The following PANK2 variants were observed in gnomAD, a reference collection of about 807,000 sequenced individuals.
The protein encoded by PANK2 is pantothenate kinase 2.
PANK2 carries 36 observed loss-of-function variants against 43.1 expected under a neutral mutation model. That is an observed-to-expected ratio of 0.84 (90% CI 0.64 to 1.10). PANK2 has a LOEUF of 1.10. Ranked by LOEUF, PANK2 falls within the 50% of genes least tolerant of loss-of-function variation. The probability of loss-of-function intolerance (pLI) is 0.00; values close to 1 mark genes in which losing one functional copy is unlikely to be tolerated. For missense variants in PANK2, 576 were observed against 593.3 expected (o/e 0.97, Z 0.30); for synonymous variants, 281 against 238.2 (o/e 1.18, Z -1.66).
chr20:3,889,273 C>T, upstream of PANK2: 1 of 1,611,352 alleles, frequency 6.2e-7, no homozygotes, highest in Non-Finnish European at 8.5e-7. Flanking sequence ...GTCAATCCTC[C>T]TCGAGTTAGG....
chr20:3,888,965 A>T, upstream of PANK2: 7 of 624,904 alleles, frequency 1.1e-5, no homozygotes, highest in Admixed American at 6.5e-5. Context: ...CTGCGGGAGC[A>T]CTGCTGGGCT....
chr20:3,889,383 C>A (rs558404718), upstream of PANK2: 51 of 1,575,586 alleles, frequency 3.2e-5, no homozygotes, highest in Non-Finnish European at 4.2e-5. Context: ...GAGGGCGCGC[C>A]TCTGCTCTGG....
intron 1 of PANK2, among the ~76,000 whole-genome samples, chr20:3,892,554 G>A (rs1228745957): frequency 1.3e-5 from 2 of 151,230 alleles, no homozygotes; most frequent in South Asian, 2.1e-4. Context: ...ACGCGTGCCC[G>A]TAGTCGCAGC....
intron 6 of PANK2, 140 bp downstream of exon 6, chr20:3,918,936 C>T (rs540310559): frequency 1.4e-4 from 197 of 1,425,930 alleles, no homozygotes; most frequent in Admixed American, 3.5e-4. Context: ...GACGGAGTCT[C>T]GCTCTGTCAC....
chr20:3,920,623 G>T (rs1002847691), intron 6 of PANK2, among the ~76,000 whole-genome samples: 2 of 152,096 alleles, frequency 1.3e-5, no homozygotes, highest in Non-Finnish European at 2.9e-5. Context: ...GAGGTGGGCG[G>T]ATCATGAGGT....
intron 3 of PANK2, 23 bp from the exon 4 acceptor site, chr20:3,912,433 CTG>C: frequency 6.2e-7 from 1 of 1,609,176 alleles, no homozygotes; most frequent in Non-Finnish European, 8.5e-7. Context: ...TGTTATAATA[CTG>C]TGTTAATTGT....
chr20:3,889,856 G>A (rs2090088628), intron 1 of PANK2, 128 bp downstream of exon 1: 4 of 1,533,806 alleles, frequency 2.6e-6, no homozygotes, highest in Admixed American at 2.0e-5. Context: ...TCCCTCGTTG[G>A]TGCGTGGCCT....
Position 3,923,523 on chromosome 20 carries a change from G to T in PANK2, c.*229G>T. On this transcript the variant is annotated 3_prime_UTR_variant, in exon 7 of 7. Transcript: ENST00000610179. Reference sequence around the variant, plus strand: ...CAAAAAAGTGGCACATGTCCAGGCAGTGTGAGGATTTGCTGTATATAAGTT... The same window carrying T: ...CAAAAAAGTGGCACATGTCCAGGCATTGTGAGGATTTGCTGTATATAAGTT... The T allele has an allele frequency of 1.7e-6, 1 of 583,682 alleles. No individual in the cohort carries two copies. The allele number at this position is 583,682 out of a possible 1,614,324, so 36.2% of individuals were successfully genotyped here. A position where few individuals can be genotyped will look rare whatever the true frequency, so the allele number is the denominator to read the frequency against.
Position 3,928,912 on chromosome 20 carries a change from G to GA in PANK2, c.*5619dup, listed in dbSNP as rs1377353476. The GA allele has an allele frequency of 6.6e-6, 1 of 151,738 alleles. No individual in the cohort carries two copies. Among genetic ancestry groups the GA allele is most frequent in the Non-Finnish European group, 1.5e-5 (1 of 67,914 alleles). The allele number at this position is 151,738 out of a possible 1,614,324, so 9.4% of individuals were successfully genotyped here. ...GTTGCCCAGGCTGGAGTGCAGTGGG[G>GA]ATCTTGGCTCACTGCAACTTCTGTC... On this transcript the variant is annotated 3_prime_UTR_variant, in exon 7 of 7. Coordinates refer to ENST00000610179, the MANE Select transcript of PANK2 (RefSeq NM_001386393.1).
At position 3,927,132 on chromosome 20, in the gene PANK2, A is replaced by AC. The variant is rs1280397888; in HGVS notation, c.*3842dup. Reference sequence around the variant, plus strand: ...TGGCCTGACACACTCTTCACCACTGACCCCACCCCCGCTTGCACACTATGC... The same window carrying AC: ...TGGCCTGACACACTCTTCACCACTGACCCCCACCCCCGCTTGCACACTATGC... On this transcript the variant is annotated 3_prime_UTR_variant, in exon 7 of 7. Transcript: ENST00000610179. Among the ~76,000 whole-genome samples, 2 of 151,428 alleles carry AC rather than the reference A, an allele frequency of 1.3e-5. No homozygotes were observed. Among genetic ancestry groups the AC allele is most frequent in the African/African-American group, 4.9e-5 (2 of 41,140 alleles).
At chr20:3,921,262 C>T (rs991111091) in intron 6 of PANK2, 1 of 151,294 alleles carries the variant, frequency 6.6e-6, no homozygotes, top group African/African-American at 2.4e-5. Context: ...CAAGTGTTCT[C>T]ATTGTTCAGT....
At chr20:3,902,179 T>TA (rs1339736897) in intron 1 of PANK2, among the ~76,000 whole-genome samples, 3 of 150,738 alleles carry the variant, frequency 2.0e-5, no homozygotes, top group Non-Finnish European at 4.4e-5. Context: ...TTTTTTTTTT[T>TA]AGTTAGAGAC....
chr20:3,889,158 T>C (rs573337848), upstream of PANK2: 15 of 1,595,646 alleles, frequency 9.4e-6, no homozygotes, highest in Non-Finnish European at 9.4e-6. Flanking sequence ...GCCATCACTC[T>C]CTTCTGGGCT....
Position 3,918,769 on chromosome 20 carries a change from G to C in PANK2, c.1305G>C (p.Gln435His), listed in dbSNP as rs1446046591. 1 of 1,614,146 alleles carries C rather than the reference G, an allele frequency of 6.2e-7. No individual in the cohort carries two copies. Among genetic ancestry groups the C allele is most frequent in the African/African-American group, 1.3e-5 (1 of 74,952 alleles). ...CTTTGGATTATTGGTCCAAGGGGCAGTTGAAAGCACTTTTTTCGGAACACG... is the reference window on the plus strand; with the variant it reads ...CTTTGGATTATTGGTCCAAGGGGCACTTGAAAGCACTTTTTTCGGAACACG... The change falls in exon 6 of 7, where the codon CAG becomes CAC. Residue 435 changes from glutamine (Q) to histidine (H), a missense_variant. Physicochemically the swap from Gln to His is conservative, Grantham distance 24. This residue lies in a region of PANK2 where 32 missense variants were observed against 64.3 expected (regional missense o/e 0.50). Coordinates refer to ENST00000610179, the MANE Select transcript of PANK2 (RefSeq NM_001386393.1).
At chr20:3,914,078 T>TTTTA (rs2090520759) in intron 4 of PANK2, among the ~76,000 whole-genome samples, 1 of 151,698 alleles carries the variant, frequency 6.6e-6, no homozygotes, top group Non-Finnish European at 1.5e-5. Flanking sequence ...CGTGAGCCAC[T>TTTTA]GCGCCTGGCC....
chr20:3,923,288 C>T lies in PANK2; in HGVS notation c.1377C>T (p.Ile459=). The T allele has an allele frequency of 1.2e-6, 2 of 1,614,114 alleles. No individual in the cohort carries two copies. Among genetic ancestry groups the T allele is most frequent in the Non-Finnish European group, 1.7e-6 (2 of 1,180,012 alleles). The change falls in exon 7 of 7, where the codon ATC becomes ATT. Residue 459 remains isoleucine, a synonymous_variant. Coordinates refer to ENST00000610179, the MANE Select transcript of PANK2 (RefSeq NM_001386393.1). The stretch of plus-strand genomic sequence containing the variant: ...GAGCACTCCTTGAGCTGTTGAAGAT[C>T]CCGTGATCATTACCTGGGGAGGGGT...
At chr20:3,917,330 T>A (rs2090577762) in intron 5 of PANK2, among the ~76,000 whole-genome samples, 1 of 151,920 alleles carries the variant, frequency 6.6e-6, no homozygotes. Context: ...TTGGGGACTG[T>A]TGGGGGTGAT....
chr20:3,897,509 C>A (rs146754622), intron 1 of PANK2, among the ~76,000 whole-genome samples: 1 of 151,184 alleles, frequency 6.6e-6, no homozygotes, highest in Non-Finnish European at 1.5e-5. Flanking sequence ...GAGACCAGTC[C>A]GGGCAACATG....
In PANK2 at chr20:3,911,132, G is replaced by A. The variant is rs181415060; in HGVS notation, c.905+302G>A. 1.4e-3 allele frequency among the ~76,000 whole-genome samples: 207 copies of A among 152,354 alleles called. 1 individual carries two copies. The highest frequency in any genetic ancestry group is 4.8e-3 in the African/African-American group (201 of 41,582). On this transcript the variant is annotated intron_variant, in intron 3 of 6. Transcript: ENST00000610179. Reference sequence around the variant, plus strand: ...TAGCTAAAGTTATTAGGCAGCATCTGTAAGGAGAAGGCACGGGAAAGGACC... The same window carrying A: ...TAGCTAAAGTTATTAGGCAGCATCTATAAGGAGAAGGCACGGGAAAGGACC...
Sources: allele counts gnomAD v4.1 joint callset (sites outside exome capture counted in the v4.1 genomes callset), GRCh38; gene constraint gnomAD v4.1.1; regional missense constraint gnomAD v4.1.1; transcripts MANE v1.5; gene names NCBI Gene and HGNC (gene_info 2026-07-23, HGNC 2026-07-21).